Variants in RAP1A observed in about 807,000 individuals in gnomAD.
The protein encoded by RAP1A is RAP1A, member of RAS oncogene family, also known as ras-related protein Rap-1A.
RAP1A carries 6 observed loss-of-function variants against 26.4 expected under a neutral mutation model. The observed-to-expected ratio is 0.23, with a 90% CI of 0.12 to 0.45. The LOEUF (loss-of-function observed/expected upper bound fraction) is 0.45, where lower values mean the gene tolerates loss of function less well. Ranked by LOEUF, RAP1A falls within the 20% of genes least tolerant of loss-of-function variation. The pLI is 0.99. For missense variants in RAP1A, 121 were observed against 217.2 expected (o/e 0.56, Z 2.78); for synonymous variants, 73 against 79.4 (o/e 0.92, Z 0.43).
intron 1 of RAP1A, among the ~76,000 whole-genome samples, chr1:111,642,248 A>AAAATT (rs917225398): frequency 6.6e-6 from 1 of 152,302 alleles, no homozygotes; most frequent in South Asian, 2.1e-4. Context: ...TCCATCTCAA[A>AAAATT]AAATTAAATT....
chr1:111,583,688 G>C (rs1438263290), intron 1 of RAP1A, among the ~76,000 whole-genome samples: 2 of 151,918 alleles, frequency 1.3e-5, no homozygotes, highest in Non-Finnish European at 2.9e-5. Flanking sequence ...CTAAAAAATA[G>C]ACAAAAAATT....
At chr1:111,675,331 G>A (rs1661093135) in intron 1 of RAP1A, among the ~76,000 whole-genome samples, 1 of 152,100 alleles carries the variant, frequency 6.6e-6, no homozygotes, top group South Asian at 2.1e-4. Context: ...AATTAGCCAG[G>A]TGTGGTGGCG....
intron 1 of RAP1A, among the ~76,000 whole-genome samples, chr1:111,565,111 C>T (rs1379509985): frequency 6.6e-6 from 1 of 152,082 alleles, no homozygotes; most frequent in African/African-American, 2.4e-5. Context: ...AAGGGTTTTC[C>T]AGGCACAGAG....
intron 1 of RAP1A, among the ~76,000 whole-genome samples, chr1:111,621,979 C>G (rs1659223151): frequency 6.6e-6 from 1 of 152,014 alleles, no homozygotes. Context: ...AAAATGAATC[C>G]CAAGGAAATA....
chr1:111,709,753 A>G (rs916480114), intron 7 of RAP1A, among the ~76,000 whole-genome samples: 1 of 152,240 alleles, frequency 6.6e-6, no homozygotes, highest in Non-Finnish European at 1.5e-5. Context: ...TGAACTTTAC[A>G]TAAACAAAAA....
chr1:111,705,543 T>C (rs1020499791), intron 6 of RAP1A, among the ~76,000 whole-genome samples: 1 of 152,230 alleles, frequency 6.6e-6, no homozygotes, highest in African/African-American at 2.4e-5. Flanking sequence ...ATGCCAAAGC[T>C]TGTTTTTTTA....
chr1:111,648,508 G>C, intron 1 of RAP1A: 1 of 562,292 alleles, frequency 1.8e-6, no homozygotes, highest in East Asian at 4.1e-5. Context: ...TCCTGGGCCT[G>C]GCGTTGCCCC....
At chr1:111,593,819 G>C (rs536045247) in intron 1 of RAP1A, among the ~76,000 whole-genome samples, 1 of 152,096 alleles carries the variant, frequency 6.6e-6, no homozygotes, top group East Asian at 1.9e-4. Flanking sequence ...AAATCCATGT[G>C]TGCAAAGAAC....
intron 2 of RAP1A, among the ~76,000 whole-genome samples, chr1:111,692,852 C>T (rs1661711350): frequency 6.6e-6 from 1 of 152,156 alleles, no homozygotes. Context: ...CTATGAATAA[C>T]ATCAGTTACT....
intron 1 of RAP1A, among the ~76,000 whole-genome samples, chr1:111,685,144 A>G (rs1330661831): frequency 6.6e-6 from 1 of 152,232 alleles, no homozygotes; most frequent in Non-Finnish European, 1.5e-5. Flanking sequence ...TAAAGACTTA[A>G]ACATAAGCCC....
At chr1:111,636,348 C>T (rs1382489585) in intron 1 of RAP1A, among the ~76,000 whole-genome samples, 2 of 152,092 alleles carry the variant, frequency 1.3e-5, no homozygotes, top group African/African-American at 4.8e-5. Context: ...AACACTATGG[C>T]AATAAAGTAA....
chr1:111,558,705 T>G (rs144530077), intron 1 of RAP1A, among the ~76,000 whole-genome samples: 1 of 152,186 alleles, frequency 6.6e-6, no homozygotes, highest in African/African-American at 2.4e-5. Context: ...CCCAGGAAGA[T>G]ATAAACTTCT....
At chr1:111,567,805 A>T (rs1224866657) in intron 1 of RAP1A, among the ~76,000 whole-genome samples, 1 of 152,224 alleles carries the variant, frequency 6.6e-6, no homozygotes, top group Non-Finnish European at 1.5e-5. Context: ...GACTCTCTGT[A>T]AGCCAGGAAG....
At chr1:111,619,636 C>G (rs1173443478), upstream of RAP1A, 1 of 390,150 alleles carries the variant, frequency 2.6e-6, no homozygotes, top group African/African-American at 2.1e-5. Flanking sequence ...CCAGGCTTTC[C>G]CGGCTCCAGT....
intron 1 of RAP1A, among the ~76,000 whole-genome samples, chr1:111,555,671 C>T (rs1571463812): frequency 6.6e-6 from 1 of 152,100 alleles, no homozygotes; most frequent in Admixed American, 6.5e-5. Flanking sequence ...CAAAGAGATA[C>T]TGTCTTTTCA....
intron 1 of RAP1A, among the ~76,000 whole-genome samples, chr1:111,585,500 T>C (rs1658349603): frequency 6.6e-6 from 1 of 151,960 alleles, no homozygotes; most frequent in Non-Finnish European, 1.5e-5. Flanking sequence ...AAAAAAGCAG[T>C]AATACGGTTT....
intron 1 of RAP1A, among the ~76,000 whole-genome samples, chr1:111,595,236 G>A (rs1488437404): frequency 6.6e-6 from 1 of 151,996 alleles, no homozygotes; most frequent in African/African-American, 2.4e-5. Flanking sequence ...ACTTAGCCAT[G>A]TAGCAAATCT....
chr1:111,654,297 A>G (rs1028672650), intron 1 of RAP1A, among the ~76,000 whole-genome samples: 4 of 152,304 alleles, frequency 2.6e-5, no homozygotes, highest in South Asian at 4.1e-4. Context: ...ACTTCAAACA[A>G]ACCCCCCTCT....
intron 1 of RAP1A, among the ~76,000 whole-genome samples, chr1:111,612,500 T>G (rs1658941365): frequency 6.6e-6 from 1 of 152,238 alleles, no homozygotes; most frequent in Non-Finnish European, 1.5e-5. Flanking sequence ...TATCTTCCAC[T>G]CTGATTTAGC....
Sources: gnomAD v4.1 joint callset for allele counts (sites outside exome capture counted in the v4.1 genomes callset) on GRCh38, gnomAD v4.1.1 for gene constraint, MANE v1.5 for transcripts, NCBI Gene and HGNC (gene_info 2026-07-23, HGNC 2026-07-21) for gene names.